Variants in SEC11A observed in about 807,000 individuals in gnomAD.
The protein encoded by SEC11A is SEC11 homolog A, signal peptidase complex subunit.
A neutral mutation model predicts 25.6 loss-of-function variants in SEC11A; 14 were observed. That is an observed-to-expected ratio of 0.55 (90% CI 0.36 to 0.85). The LOEUF is 0.85. SEC11A is among the 40% of genes least tolerant of loss of function. The pLI, the probability that SEC11A is intolerant of heterozygous loss-of-function variation, is 0.01. For missense variants in SEC11A, 153 were observed against 222.9 expected (o/e 0.69, Z 2.00); for synonymous variants, 83 against 76.4 (o/e 1.09, Z -0.45).
chr15:84,695,474 A>T (rs1232241314), intron 1 of SEC11A, among the ~76,000 whole-genome samples: 1 of 152,062 alleles, frequency 6.6e-6, no homozygotes, highest in Admixed American at 6.6e-5. Flanking sequence ...AAAAAAAAAA[A>T]AAGAAAAATT....
At chr15:84,694,683 CTA>C (rs1897707936) in intron 1 of SEC11A, among the ~76,000 whole-genome samples, 3 of 152,022 alleles carry the variant, frequency 2.0e-5, no homozygotes, top group Admixed American at 2.0e-4. Context: ...CAATGAGGGG[CTA>C]GGCACAGAGA....
intron 1 of SEC11A, among the ~76,000 whole-genome samples, chr15:84,715,771 T>C (rs1898444187): frequency 6.6e-6 from 1 of 152,178 alleles, no homozygotes; most frequent in Admixed American, 6.5e-5. Context: ...TTTGCTCCCC[T>C]GCCTCAGTGG....
In SEC11A at chr15:84,669,826, C is replaced by A; in HGVS notation, c.*193G>T. On this transcript the variant is annotated 3_prime_UTR_variant, in exon 6 of 6. Transcript: ENST00000268220. ...GAAATCCTGTGACTGAAAGTCCCCT[C>A]GAGTGCACTCTGTGGTGCACATGCG... 1 of 801,590 alleles carries A rather than the reference C, an allele frequency of 1.2e-6. No homozygotes were observed. The highest frequency in any genetic ancestry group is 3.4e-5 in the Admixed American group (1 of 29,482). 49.7% of individuals were successfully genotyped at this position (801,590 alleles called of 1,614,324 possible). A position where few individuals can be genotyped will look rare whatever the true frequency, so the allele number is the denominator to read the frequency against.
chr15:84,715,875 C>A, intron 1 of SEC11A, 150 bp downstream of exon 1: 1 of 732,090 alleles, frequency 1.4e-6, no homozygotes. Flanking sequence ...ACAAGGCGGC[C>A]TCTGGCCACA....
intron 4 of SEC11A, 138 bp downstream of exon 4, chr15:84,680,575 T>C (rs1897261614): frequency 1.1e-6 from 1 of 886,572 alleles, no homozygotes; most frequent in South Asian, 4.4e-5. Flanking sequence ...AGAAGCAAAA[T>C]TTTCAAAGGA....
At chr15:84,673,430 GAAAAA>G in intron 4 of SEC11A, 22 of 143,828 alleles carry the variant, frequency 1.5e-4, no homozygotes, top group South Asian at 4.0e-4. Flanking sequence ...TCTGCCTTGG[GAAAAA>G]AAAAAAAAAA....
rs1034587647 is a variant in SEC11A, at chr15:84,707,801, T to C, written c.51+8224A>G. The stretch of plus-strand genomic sequence containing the variant: ...TGTGGAGAGAATGTTATAAAAAAAA[T>C]AACAGATGTAAAATATCAAGGAATG... On this transcript the variant is annotated intron_variant, in intron 1 of 5. Coordinates refer to ENST00000268220, the MANE Select transcript of SEC11A (RefSeq NM_014300.4). Among the ~76,000 whole-genome samples the C allele has an allele frequency of 5.3e-5, 8 of 152,174 alleles. No homozygotes were observed. In the East Asian group the frequency reaches 1.5e-3, roughly 29 times the overall value.
At chr15:84,698,150 A>G (rs1897821541) in intron 1 of SEC11A, among the ~76,000 whole-genome samples, 1 of 152,168 alleles carries the variant, frequency 6.6e-6, no homozygotes, top group Admixed American at 6.5e-5. Context: ...CAGCAAGATA[A>G]AAGTTGATAA....
intron 4 of SEC11A, among the ~76,000 whole-genome samples, chr15:84,675,357 A>G (rs1295474246): frequency 6.6e-6 from 1 of 152,224 alleles, no homozygotes; most frequent in Admixed American, 6.5e-5. Flanking sequence ...CATAGAGATC[A>G]TTAGACAAAA....
chr15:84,702,114 T>C (rs969894978), intron 1 of SEC11A, among the ~76,000 whole-genome samples: 5 of 151,694 alleles, frequency 3.3e-5, no homozygotes, highest in African/African-American at 1.2e-4. Flanking sequence ...AAGTTCATCA[T>C]GAGAATGTAA....
At chr15:84,711,844 T>C (rs1824525525) in intron 1 of SEC11A, among the ~76,000 whole-genome samples, 1 of 148,474 alleles carries the variant, frequency 6.7e-6, no homozygotes, top group African/African-American at 2.5e-5. Flanking sequence ...AATAAAATAG[T>C]ATATGACTAT....
rs950241854 is a variant in SEC11A at position 84,706,906 on chromosome 15, T to C, written c.51+9119A>G. ...AGAAGGTCACTGTAGTTAGAGATGG[T>C]AAGACAGACACTGACAGGCTAGCAG... On this transcript the variant is annotated intron_variant, in intron 1 of 5. Coordinates refer to ENST00000268220, the MANE Select transcript of SEC11A (RefSeq NM_014300.4). Among the ~76,000 whole-genome samples, 19 of 152,172 alleles carry C rather than the reference T, an allele frequency of 1.2e-4. 1 individual carries two copies. The highest frequency in any genetic ancestry group is 1.2e-3 in the Admixed American group (19 of 15,268).
intron 1 of SEC11A, among the ~76,000 whole-genome samples, chr15:84,703,339 C>T (rs1185636530): frequency 6.6e-6 from 1 of 152,156 alleles, no homozygotes; most frequent in African/African-American, 2.4e-5. Flanking sequence ...AAGTGGTATA[C>T]AGAAGACTGG....
chr15:84,709,226 C>T (rs970396635), intron 1 of SEC11A, among the ~76,000 whole-genome samples: 5 of 151,746 alleles, frequency 3.3e-5, no homozygotes, highest in Admixed American at 6.6e-5. Flanking sequence ...GATGGGGCCT[C>T]ACTATGTTGA....
chr15:84,715,581 G>A (rs572733348), intron 1 of SEC11A, among the ~76,000 whole-genome samples: 1 of 152,322 alleles, frequency 6.6e-6, no homozygotes, highest in Non-Finnish European at 1.5e-5. Context: ...GCTGAAAGCA[G>A]CAAAACGGTT....
intron 1 of SEC11A, among the ~76,000 whole-genome samples, chr15:84,707,760 T>C (rs1483617481): frequency 6.6e-6 from 1 of 152,184 alleles, no homozygotes; most frequent in Non-Finnish European, 1.5e-5. Context: ...ATAATCATCC[T>C]TGTCTTTACG....
intron 2 of SEC11A, 24 bp downstream of exon 2, chr15:84,691,511 T>G (rs369652141): frequency 4.9e-5 from 65 of 1,327,904 alleles, no homozygotes; most frequent in Non-Finnish European, 6.9e-5. Flanking sequence ...TGCAATTCCA[T>G]GCCTTGAAAG....
chr15:84,689,406 C>T (rs1455713627), intron 2 of SEC11A, among the ~76,000 whole-genome samples: 3 of 152,068 alleles, frequency 2.0e-5, no homozygotes, highest in Non-Finnish European at 4.4e-5. Flanking sequence ...GTATGTCAAT[C>T]ATATCTCGAT....
chr15:84,697,989 T>A (rs1231853892), intron 1 of SEC11A, among the ~76,000 whole-genome samples: 2 of 152,196 alleles, frequency 1.3e-5, no homozygotes, highest in Non-Finnish European at 2.9e-5. Context: ...GATATAGGGA[T>A]TTGTGTTTAC....
Sources: allele counts gnomAD v4.1 joint callset (sites outside exome capture counted in the v4.1 genomes callset), GRCh38; gene constraint gnomAD v4.1.1; transcripts MANE v1.5; gene names NCBI Gene and HGNC (gene_info 2026-07-23, HGNC 2026-07-21).